Variants in ENAH observed in about 807,000 individuals in gnomAD.
ENAH encodes ENAH actin regulator, also known as protein enabled homolog.
A neutral mutation model predicts 78.7 loss-of-function variants in ENAH; 23 were observed. That is an observed-to-expected ratio of 0.29 (90% CI 0.21 to 0.41). The LOEUF is 0.41. Among genes scored for constraint, ENAH ranks in the 10% least tolerant of loss-of-function variants. The probability of loss-of-function intolerance (pLI) is 1.00; values close to 1 mark genes in which losing one functional copy is unlikely to be tolerated. For missense variants in ENAH, 544 were observed against 691.0 expected, an observed-to-expected ratio of 0.79 and a Z score of 2.39; for synonymous variants, 226 against 241.0, an observed-to-expected ratio of 0.94 and a Z score of 0.58.
chr1:225,531,496 G>T (rs889080522), intron 3 of ENAH, among the ~76,000 whole-genome samples: 2 of 152,010 alleles, frequency 1.3e-5, no homozygotes, highest in African/African-American at 4.8e-5. Flanking sequence ...AATACCTAGG[G>T]TTAAAATAGA....
At chr1:225,587,327 G>T (rs970306153) in intron 1 of ENAH, among the ~76,000 whole-genome samples, 2 of 152,086 alleles carry the variant, frequency 1.3e-5, no homozygotes, top group Non-Finnish European at 2.9e-5. Flanking sequence ...AATTTAGCAA[G>T]GTCACAGGAT....
intron 1 of ENAH, among the ~76,000 whole-genome samples, chr1:225,612,613 A>G (rs2096997003): frequency 6.6e-6 from 1 of 152,234 alleles, no homozygotes; most frequent in South Asian, 2.1e-4. Flanking sequence ...CCACAGCAAA[A>G]AAAATTTTCA....
intron 6 of ENAH, among the ~76,000 whole-genome samples, chr1:225,516,732 G>A (rs1434676220): frequency 1.3e-5 from 2 of 151,966 alleles, no homozygotes; most frequent in Admixed American, 6.6e-5. Context: ...AAATTAGCCA[G>A]GCGTGGTGGC....
intron 2 of ENAH, among the ~76,000 whole-genome samples, chr1:225,558,467 T>A (rs1349469092): frequency 6.6e-6 from 1 of 152,048 alleles, no homozygotes; most frequent in Non-Finnish European, 1.5e-5. Context: ...GCTCAAAATA[T>A]CTCCTTAATC....
chr1:225,528,606 A>C (rs1414914771), intron 4 of ENAH, among the ~76,000 whole-genome samples: 2 of 152,152 alleles, frequency 1.3e-5, no homozygotes, highest in African/African-American at 4.8e-5. Context: ...AACATCATTA[A>C]AATGCATATA....
At position 225,499,532 on chromosome 1, in the gene ENAH, C is replaced by T. The variant is rs539309195; in HGVS notation, c.1618-1128G>A. Among the ~76,000 whole-genome samples the T allele has an allele frequency of 5.5e-4, 83 of 152,106 alleles. 1 individual carries two copies. The highest frequency in any genetic ancestry group is 2.0e-3 in the African/African-American group (82 of 41,526). ...ACAAAAACTACAAAAGTTAGCCGGG[C>T]GTGGTAGTGCACACCTGTAATCCCA... On this transcript the variant is annotated intron_variant, in intron 12 of 13. Transcript: ENST00000366843.
intron 1 of ENAH, among the ~76,000 whole-genome samples, chr1:225,639,705 A>AAC (rs374646635): frequency 0.26 from 36,652 of 138,436 alleles, 5,102 homozygotes; most frequent in Middle Eastern, 0.36. Context: ...GGCGGGATTA[A>AAC]ACACACACAC....
At chr1:225,650,951 C>G (rs77292205) in intron 1 of ENAH, among the ~76,000 whole-genome samples, 3,563 of 147,402 alleles carry the variant, frequency 0.024, 55 homozygotes, top group Non-Finnish European at 0.037. Flanking sequence ...AACTTCTGGT[C>G]TGCAAGATCC....
chr1:225,512,552 C>A, intron 9 of ENAH, 105 bp downstream of exon 9: 1 of 1,183,250 alleles, frequency 8.5e-7, no homozygotes, highest in South Asian at 1.6e-5. Flanking sequence ...AATATAAGTT[C>A]AAACTAATTA....
intron 3 of ENAH, among the ~76,000 whole-genome samples, chr1:225,549,191 A>G (rs981466024): frequency 6.6e-6 from 1 of 152,152 alleles, no homozygotes; most frequent in Non-Finnish European, 1.5e-5. Flanking sequence ...TAATTCTCCA[A>G]TAAGATTAGT....
At chr1:225,627,461 CA>C (rs1658161167) in intron 1 of ENAH, among the ~76,000 whole-genome samples, 1 of 149,204 alleles carries the variant, frequency 6.7e-6, no homozygotes, top group Non-Finnish European at 1.5e-5. Flanking sequence ...AAGATACAGC[CA>C]ATGAGATAAG....
intron 12 of ENAH, among the ~76,000 whole-genome samples, chr1:225,498,972 C>T (rs115811762): frequency 2.5e-3 from 380 of 152,194 alleles, no homozygotes; most frequent in African/African-American, 8.1e-3. Flanking sequence ...CTGTCCAATA[C>T]GGCAGGCACG....
chr1:225,495,467 T>TG lies in ENAH; in HGVS notation c.*2307_*2308insC, dbSNP rs896454127. 5 of 150,388 alleles carry TG rather than the reference T, an allele frequency of 3.3e-5. No homozygotes were observed. Among genetic ancestry groups the TG allele is most frequent in the African/African-American group, 1.2e-4 (5 of 40,750 alleles). 9.3% of individuals were successfully genotyped at this position (150,388 alleles called of 1,614,324 possible). ...ATGATTCAACACTGGTTTTTTTTTTTTTTTTTTTTTGTCAGTTTACACATA... is the reference window on the plus strand; with the variant it reads ...ATGATTCAACACTGGTTTTTTTTTTTGTTTTTTTTTTGTCAGTTTACACATA... On this transcript the variant is annotated 3_prime_UTR_variant, in exon 14 of 14. Transcript: ENST00000366843.
chr1:225,576,189 A>G lies in ENAH; in HGVS notation c.6-8775T>C, dbSNP rs141686442. On this transcript the variant is annotated intron_variant, in intron 1 of 13. Coordinates refer to ENST00000366843, the MANE Select transcript of ENAH (RefSeq NM_018212.6). ...GTACTTGGGAGGCTGAGGTGGGAGG[A>G]TCACTTGAGCCAGGAGTTCGAGGCC... Among the ~76,000 whole-genome samples, 64 of 151,292 alleles carry G rather than the reference A, an allele frequency of 4.2e-4. No homozygotes were observed. The East Asian group carries it at 1.0e-2, about 24-fold the overall frequency.
rs1443762077 is a variant in ENAH at position 225,651,183 on chromosome 1, T to TTTGAAAAATTGAAAAATATA, written c.5+1502_5+1503insTATATTTTTCAATTTTTCAA. On this transcript the variant is annotated intron_variant, in intron 1 of 13. Transcript: ENST00000366843. ...TTACTATTTAAACTCATCGCTTATA[T>TTTGAAAAATTGAAAAATATA]TTGAAAATAACTTGTGTGAAATCAT... Among the ~76,000 whole-genome samples the TTTGAAAAATTGAAAAATATA allele has an allele frequency of 3.6e-4, 55 of 152,234 alleles. 1 individual carries two copies. Among genetic ancestry groups the TTTGAAAAATTGAAAAATATA allele is most frequent in the South Asian group, 1.0e-3 (5 of 4,826 alleles).
chr1:225,592,429 C>G (rs2096881518), intron 1 of ENAH, among the ~76,000 whole-genome samples: 1 of 152,166 alleles, frequency 6.6e-6, no homozygotes, highest in Non-Finnish European at 1.5e-5. Flanking sequence ...TTACTCTTCC[C>G]TGGATACTCA....
At chr1:225,524,608 C>A (rs535520187) in intron 4 of ENAH, 20 of 985,376 alleles carry the variant, frequency 2.0e-5, no homozygotes, top group Non-Finnish European at 2.4e-5. Context: ...CAAGAGAAGG[C>A]GGTCAACTTT....
chr1:225,630,157 T>C (rs1320966601), intron 1 of ENAH, among the ~76,000 whole-genome samples: 2 of 152,226 alleles, frequency 1.3e-5, no homozygotes, highest in African/African-American at 4.8e-5. Flanking sequence ...TTGCAGGGAT[T>C]TATAGCCAAA....
intron 1 of ENAH, among the ~76,000 whole-genome samples, chr1:225,637,861 T>G (rs1465217890): frequency 6.6e-6 from 1 of 152,152 alleles, no homozygotes; most frequent in African/African-American, 2.4e-5. Flanking sequence ...AGTTCCAGGT[T>G]GCAGTGAGCT....
Sources: allele counts gnomAD v4.1 joint callset (sites outside exome capture counted in the v4.1 genomes callset), GRCh38; gene constraint gnomAD v4.1.1; transcripts MANE v1.5; gene names NCBI Gene and HGNC (gene_info 2026-07-23, HGNC 2026-07-21).